The following CDHR2 variants were observed in gnomAD, a reference collection of about 807,000 sequenced individuals.
The protein encoded by CDHR2 is cadherin related family member 2.
A neutral mutation model predicts 138.6 loss-of-function variants in CDHR2; 104 were observed. The observed-to-expected ratio is 0.75, with a 90% CI of 0.64 to 0.88. The LOEUF (loss-of-function observed/expected upper bound fraction) is 0.88, where lower values mean the gene tolerates loss of function less well. Among genes scored for constraint, CDHR2 ranks in the 40% least tolerant of loss-of-function variants. The probability of loss-of-function intolerance (pLI) is 0.00; values close to 1 mark genes in which losing one functional copy is unlikely to be tolerated. For synonymous variants in CDHR2, 755 were observed against 742.8 expected (o/e 1.02, Z -0.27); for missense variants, 1,624 against 1,727.6 (o/e 0.94, Z 1.06).
At chr5:176,557,696 TTC>T in intron 1 of CDHR2, among the ~76,000 whole-genome samples, 4 of 149,136 alleles carry the variant, frequency 2.7e-5, no homozygotes, top group Non-Finnish European at 4.4e-5. Context: ...TTTTCTTTCT[TTC>T]TTTCTTTCTT....
intron 31 of CDHR2, among the ~76,000 whole-genome samples, chr5:176,594,025 A>G (rs750250365): frequency 2.6e-5 from 4 of 152,272 alleles, no homozygotes; most frequent in Admixed American, 6.5e-5. Context: ...ACTGGAGTGC[A>G]TGGCCTGTGG....
intron 21 of CDHR2, among the ~76,000 whole-genome samples, chr5:176,588,412 A>C (rs1234003322): frequency 1.3e-4 from 9 of 66,696 alleles, no homozygotes; most frequent in Admixed American, 1.3e-3. Flanking sequence ...TGAGAGAGTG[A>C]GGGTGTGAGT....
At chr5:176,547,310 G>A (rs189370881), upstream of CDHR2, 191 of 152,232 alleles carry the variant, frequency 1.3e-3, no homozygotes, top group African/African-American at 4.4e-3. Context: ...TGGACTCAAT[G>A]GATCTCAATT....
Position 176,575,433 on chromosome 5 carries a change from G to A in CDHR2, c.768+7G>A, listed in dbSNP as rs766605701. On this transcript the variant is annotated splice_region_variant and intron_variant, in intron 9 of 31. Transcript: ENST00000261944. ...GGCTGAGGATGCAGCCAAGGTGCAC[G>A]GGGGACCTGTGGGGTGTGGGTGGAG... is the stretch of plus-strand genomic sequence containing the variant. 7.4e-6 allele frequency: 12 copies of A among 1,614,090 alleles called. No individual in the cohort carries two copies. Among genetic ancestry groups the A allele is most frequent in the Non-Finnish European group, 1.0e-5 (12 of 1,180,036 alleles).
intron 7 of CDHR2, 30 bp from the exon 8 acceptor site, chr5:176,575,054 G>T (rs773822771): frequency 1.9e-6 from 3 of 1,613,084 alleles, no homozygotes; most frequent in Non-Finnish European, 2.5e-6. Context: ...CTGTCCCTAG[G>T]GAGCCTGACC....
At chr5:176,587,629 T>C (rs1408973170) in intron 21 of CDHR2, among the ~76,000 whole-genome samples, 1 of 152,030 alleles carries the variant, frequency 6.6e-6, no homozygotes, top group East Asian at 1.9e-4. Flanking sequence ...GAGAGCTGCC[T>C]ACCCTCTCTG....
In CDHR2 at chr5:176,595,783, C is replaced by A; in HGVS notation, c.*111C>A. On this transcript the variant is annotated 3_prime_UTR_variant, in exon 32 of 32. Transcript: ENST00000261944. ...CGCTGCCCTGCCTCCTGCTTTTGGC[C>A]AATCACGGCAGACAGGGGTTGGGGA... The A allele has an allele frequency of 9.2e-7, 1 of 1,086,656 alleles. No homozygotes were observed. Among genetic ancestry groups the A allele is most frequent in the Non-Finnish European group, 1.3e-6 (1 of 788,202 alleles). The allele number at this position is 1,086,656 out of a possible 1,614,324, so 67.3% of individuals were successfully genotyped here. A position where few individuals can be genotyped will look rare whatever the true frequency, so the allele number is the denominator to read the frequency against.
At chr5:176,588,518 TG>T (rs1311449340) in intron 21 of CDHR2, among the ~76,000 whole-genome samples, 1 of 134,544 alleles carries the variant, frequency 7.4e-6, no homozygotes, top group Non-Finnish European at 1.6e-5. Context: ...AGTGTGTGCA[TG>T]TGTGTGAGTG....
rs1561864681 is a variant in CDHR2, at chr5:176,552,310, G to A, written c.-16+2896G>A. ...CTTACAGAATGGAGAGGATTTGCAT[G>A]TAGGCAGAAGGCAAAGAAAGACATT... On this transcript the variant is annotated intron_variant, in intron 1 of 31. Coordinates refer to ENST00000261944, the MANE Select transcript of CDHR2 (RefSeq NM_017675.6). Among the ~76,000 whole-genome samples, 6 of 152,256 alleles carry A rather than the reference G, an allele frequency of 3.9e-5. 1 individual carries two copies. The highest frequency in any genetic ancestry group is 6.3e-3 in the Middle Eastern group (2 of 316).
chr5:176,563,522 A>T (rs1758014776), intron 1 of CDHR2, among the ~76,000 whole-genome samples: 1 of 151,412 alleles, frequency 6.6e-6, no homozygotes. Context: ...GTTAGAACAG[A>T]GTTTCTTCTG....
upstream of CDHR2, among the ~76,000 whole-genome samples, chr5:176,546,380 T>C (rs1757585262): frequency 6.6e-6 from 1 of 152,030 alleles, no homozygotes; most frequent in African/African-American, 2.4e-5. Context: ...AGTAATGCAA[T>C]AGTCACCACC....
intron 30 of CDHR2, 42 bp downstream of exon 30, chr5:176,591,526 G>A (rs778811910): frequency 7.0e-7 from 1 of 1,435,674 alleles, no homozygotes; most frequent in South Asian, 1.1e-5. Flanking sequence ...GGTGGTGGTG[G>A]TACAGGTAGT....
At position 176,589,678 on chromosome 5, in the gene CDHR2, G is replaced by T. The variant is rs1051073466; in HGVS notation, c.3206+62G>T. 5 of 1,404,106 alleles carry T rather than the reference G, an allele frequency of 3.6e-6. No homozygotes were observed. The African/African-American group carries it at 5.6e-5, about 16-fold the overall frequency. The allele number at this position is 1,404,106 out of a possible 1,614,324, so 87.0% of individuals were successfully genotyped here. A position where few individuals can be genotyped will look rare whatever the true frequency, so the allele number is the denominator to read the frequency against. The stretch of plus-strand genomic sequence containing the variant: ...AACAGGGTGTAGGAGCCTGGTCCCC[G>T]ACAAAACCTGGATGGGATGTCTCTC... On this transcript the variant is annotated intron_variant, in intron 24 of 31. Coordinates refer to ENST00000261944, the MANE Select transcript of CDHR2 (RefSeq NM_017675.6).
chr5:176,546,601 A>T (rs931292765), upstream of CDHR2, among the ~76,000 whole-genome samples: 3 of 151,796 alleles, frequency 2.0e-5, no homozygotes, highest in African/African-American at 4.8e-5. Context: ...TACAGTAGAT[A>T]AAAAAAATAA....
chr5:176,585,971 A>T lies in CDHR2; in HGVS notation c.2752A>T (p.Ile918Phe), dbSNP rs202050947. 6.2e-7 allele frequency: 1 copy of T among 1,613,966 alleles called. No homozygotes were observed. Among genetic ancestry groups the T allele is most frequent in the African/African-American group, 1.3e-5 (1 of 75,008 alleles). Residue 918 changes from isoleucine (I) to phenylalanine (F), a missense_variant, in exon 20 of 32, where the codon ATT (isoleucine) becomes TTT (phenylalanine). Ile to Phe is a conservative substitution (Grantham distance 21). This residue lies in a region of CDHR2 where 556 missense variants were observed against 565.7 expected (regional missense o/e 0.98). Coordinates refer to ENST00000261944, the MANE Select transcript of CDHR2 (RefSeq NM_017675.6). ...TCTCCTAGGAAGCCTCCTCATTACCATTGAGGACGTGAATGACAATGCACC... is the reference window on the plus strand; with the variant it reads ...TCTCCTAGGAAGCCTCCTCATTACCTTTGAGGACGTGAATGACAATGCACC... ...YSNNGSLLIT[I>F]EDVNDNAPYF...
At chr5:176,565,265 C>G (rs11749894) in intron 1 of CDHR2, 73 bp from the exon 2 acceptor site, 300,799 of 1,102,136 alleles carry the variant, frequency 0.27, 42,097 homozygotes, top group East Asian at 0.34. Flanking sequence ...TCAGGTCAGA[C>G]CCAGGCAGAT....
chr5:176,567,443 T>C (rs1758111318), intron 3 of CDHR2, among the ~76,000 whole-genome samples: 1 of 152,174 alleles, frequency 6.6e-6, no homozygotes, highest in African/African-American at 2.4e-5. Context: ...GTGCTGGGAT[T>C]ACAGGCATGA....
At chr5:176,581,685 G>C (rs901709989) in intron 17 of CDHR2, 103 bp downstream of exon 17, 8 of 1,475,166 alleles carry the variant, frequency 5.4e-6, no homozygotes, top group Non-Finnish European at 7.4e-6. Context: ...AGCCTGCCTG[G>C]GTTACAATCC....
chr5:176,593,526 C>T (rs973073929), intron 31 of CDHR2, among the ~76,000 whole-genome samples: 3 of 152,202 alleles, frequency 2.0e-5, no homozygotes, highest in Non-Finnish European at 4.4e-5. Context: ...GGAGGGGTGG[C>T]TCTCTGGAAA....
Sources: allele counts gnomAD v4.1 joint callset (sites outside exome capture counted in the v4.1 genomes callset), GRCh38; gene constraint gnomAD v4.1.1; regional missense constraint gnomAD v4.1.1; transcripts MANE v1.5; gene names NCBI Gene and HGNC (gene_info 2026-07-23, HGNC 2026-07-21).